Variants in NUP210L observed in about 807,000 individuals in gnomAD.
NUP210L encodes the protein nucleoporin 210 like, also known as nuclear pore membrane glycoprotein 210-like.
Under a neutral mutation model 208.5 loss-of-function variants are expected in NUP210L, and 74 were observed. The observed-to-expected ratio is 0.35, with a 90% CI of 0.29 to 0.43. NUP210L has a LOEUF of 0.43. Among genes scored for constraint, NUP210L ranks in the 20% least tolerant of loss-of-function variants. The probability of loss-of-function intolerance (pLI) is 1.00; values close to 1 mark genes in which losing one functional copy is unlikely to be tolerated. For missense variants in NUP210L, 1,843 were observed against 2,289.4 expected, an observed-to-expected ratio of 0.81 and a Z score of 3.98; for synonymous variants, 780 against 816.9, an observed-to-expected ratio of 0.95 and a Z score of 0.77.
At chr1:154,057,690 A>G (rs1048964255) in intron 22 of NUP210L, among the ~76,000 whole-genome samples, 54 of 125,480 alleles carry the variant, frequency 4.3e-4, no homozygotes, top group South Asian at 4.2e-3. Flanking sequence ...AGGACCTCGA[A>G]TGTGTGTGTG....
exon 8 of NUP210L, chr1:154,129,321 C>G: frequency 6.2e-7 from 1 of 1,610,892 alleles, no homozygotes; most frequent in South Asian, 1.1e-5. Context: ...ATTTGGGAGT[C>G]CAGACACAGA....
At chr1:154,018,933 C>G in exon 33 of NUP210L, 1 of 1,613,886 alleles carries the variant, frequency 6.2e-7, no homozygotes, top group Non-Finnish European at 8.5e-7. Context: ...TTATGTTTAC[C>G]TCTCGATATG....
intron 12 of NUP210L, among the ~76,000 whole-genome samples, chr1:154,108,931 T>C (rs1656906940): frequency 6.6e-6 from 1 of 151,560 alleles, no homozygotes; most frequent in African/African-American, 2.4e-5. Flanking sequence ...AGAAACCCCG[T>C]CTCTACTAAA....
intron 34 of NUP210L, among the ~76,000 whole-genome samples, chr1:154,011,192 C>T (rs1465680747): frequency 2.7e-5 from 4 of 150,170 alleles, no homozygotes; most frequent in African/African-American, 4.9e-5. Flanking sequence ...GGGAATAAAA[C>T]GTCAGTCTGT....
At chr1:154,019,827 G>A (rs545099715) in intron 32 of NUP210L, among the ~76,000 whole-genome samples, 2 of 152,106 alleles carry the variant, frequency 1.3e-5, no homozygotes, top group Non-Finnish European at 2.9e-5. Flanking sequence ...TTGAGAGGCT[G>A]AGGCAGTAGA....
chr1:154,029,533 G>A (rs552108523), intron 28 of NUP210L, among the ~76,000 whole-genome samples: 39 of 151,920 alleles, frequency 2.6e-4, no homozygotes, highest in Non-Finnish European at 4.3e-4. Context: ...GAGAAACCCC[G>A]TCTCTACTAA....
At chr1:154,031,159 G>C (rs1652193495) in intron 27 of NUP210L, among the ~76,000 whole-genome samples, 1 of 152,122 alleles carries the variant, frequency 6.6e-6, no homozygotes, top group African/African-American at 2.4e-5. Context: ...CATGATTTCA[G>C]CTCACTGCAA....
intron 31 of NUP210L, among the ~76,000 whole-genome samples, chr1:154,022,704 G>T: frequency 7.6e-6 from 1 of 132,084 alleles, no homozygotes; most frequent in Non-Finnish European, 1.6e-5. Flanking sequence ...TTTTAAGACA[G>T]TCTTAATTGG....
chr1:154,057,670 A>G (rs912003825), intron 22 of NUP210L, among the ~76,000 whole-genome samples: 7 of 148,776 alleles, frequency 4.7e-5, no homozygotes, highest in Non-Finnish European at 1.0e-4. Flanking sequence ...GCCCCCAAAC[A>G]AGGCATCTGA....
intron 6 of NUP210L, 32 bp from the exon 7 acceptor site, chr1:154,136,004 G>A (rs759791731): frequency 1.4e-5 from 20 of 1,460,566 alleles, no homozygotes; most frequent in Non-Finnish European, 1.9e-5. Context: ...TAAATGTAAT[G>A]ACAGCAGCCA....
chr1:154,143,661 A>AAG, intron 2 of NUP210L, 84 bp from the exon 3 acceptor site: 1 of 1,194,170 alleles, frequency 8.4e-7, no homozygotes, highest in Middle Eastern at 2.0e-4. Flanking sequence ...CTGTATTCTA[A>AAG]AGATTATGAA....
At chr1:154,032,450 CA>C (rs1238275265) in intron 27 of NUP210L, among the ~76,000 whole-genome samples, 1 of 151,664 alleles carries the variant, frequency 6.6e-6, no homozygotes, top group Non-Finnish European at 1.5e-5. Flanking sequence ...CTCTGATGAT[CA>C]ATGATGTTGA....
chr1:153,995,502 C>A (rs969702238), intron 37 of NUP210L: 9 of 597,718 alleles, frequency 1.5e-5, no homozygotes, highest in Non-Finnish European at 2.7e-5. Context: ...CAGAGTAATA[C>A]AACTCTCTAA....
chr1:154,003,878 C>G lies in NUP210L; in HGVS notation c.4931-1893G>C, dbSNP rs574607083. Among the ~76,000 whole-genome samples the G allele has an allele frequency of 8.5e-5, 13 of 152,196 alleles. No individual in the cohort carries two copies. In the East Asian group the frequency reaches 2.5e-3, roughly 29 times the overall value. ...TCTCTGAAATGTCTCTGACATCTGCCCCTTCTTAGTATTTCTCTATTAGTC... is the reference window on the plus strand; with the variant it reads ...TCTCTGAAATGTCTCTGACATCTGCGCCTTCTTAGTATTTCTCTATTAGTC... On this transcript the variant is annotated intron_variant, in intron 35 of 39. Transcript: ENST00000368559.
chr1:153,996,651 C>T lies in NUP210L; in HGVS notation c.5387-1471G>A, dbSNP rs186530323. Among the ~76,000 whole-genome samples, 3 of 152,230 alleles carry T rather than the reference C, an allele frequency of 2.0e-5. No homozygotes were observed. In the East Asian group the frequency reaches 5.8e-4, roughly 30 times the overall value. On this transcript the variant is annotated intron_variant, in intron 37 of 39. Coordinates refer to ENST00000368559, the Ensembl canonical transcript of NUP210L. ...GGCCAGGCTGGCCTCAAACTCCTGA[C>T]CTCAGGTGATCCACCCGCCTTGGCC...
At chr1:154,073,636 G>A (rs569877190) in intron 16 of NUP210L, among the ~76,000 whole-genome samples, 20 of 151,892 alleles carry the variant, frequency 1.3e-4, no homozygotes, top group African/African-American at 3.1e-4. Flanking sequence ...CTAACATGGC[G>A]AAACCCTGTC....
chr1:154,123,784 A>T (rs1657730994), intron 10 of NUP210L, among the ~76,000 whole-genome samples: 1 of 152,014 alleles, frequency 6.6e-6, no homozygotes, highest in Non-Finnish European at 1.5e-5. Context: ...AGGCTGAGGC[A>T]GGAGAATCGC....
exon 36 of NUP210L, chr1:154,001,896 C>A: frequency 6.2e-7 from 1 of 1,614,126 alleles, no homozygotes; most frequent in Non-Finnish European, 8.5e-7. Context: ...ACCAGTGTAG[C>A]CCACCCATAG....
At position 154,018,117 on chromosome 1, in the gene NUP210L, G is replaced by C. The variant is rs534831936; in HGVS notation, c.4653+816C>G. Among the ~76,000 whole-genome samples, 43 of 152,002 alleles carry C rather than the reference G, an allele frequency of 2.8e-4. No homozygotes were observed. In the South Asian group the frequency reaches 8.5e-3, roughly 30 times the overall value. On this transcript the variant is annotated intron_variant, in intron 33 of 39. Transcript: ENST00000368559. Reference sequence around the variant, plus strand: ...CTCCTGAGTAGCTGGGACTACAGATGTGAGCCACCAGGCCCGGCTAATTTT... The same window carrying C: ...CTCCTGAGTAGCTGGGACTACAGATCTGAGCCACCAGGCCCGGCTAATTTT...
Sources: allele counts gnomAD v4.1 joint callset (sites outside exome capture counted in the v4.1 genomes callset), GRCh38; gene constraint gnomAD v4.1.1; transcripts MANE v1.5; gene names NCBI Gene and HGNC (gene_info 2026-07-23, HGNC 2026-07-21).